GORASP1: variants seen among roughly 807,000 people sequenced by gnomAD.
The protein encoded by GORASP1 is golgi reassembly stacking protein 1, also known as Golgi reassembly-stacking protein 1.
GORASP1 carries 31 observed loss-of-function variants against 37.7 expected under a neutral mutation model. The observed-to-expected ratio is 0.82, with a 90% CI of 0.62 to 1.11. The LOEUF is 1.11. Ranked by LOEUF, GORASP1 falls within the 50% of genes least tolerant of loss-of-function variation. The pLI is 0.00. For synonymous variants in GORASP1, 204 were observed against 224.8 expected (o/e 0.91, Z 0.83); for missense variants, 476 against 560.7 (o/e 0.85, Z 1.53).
intron 1 of GORASP1, among the ~76,000 whole-genome samples, chr3:39,104,891 G>A (rs545939047): frequency 5.4e-4 from 82 of 152,324 alleles, no homozygotes; most frequent in African/African-American, 1.9e-3. Flanking sequence ...AACCCTTCAG[G>A]TGAGGGGATC....
chr3:39,103,310 C>A lies in GORASP1; in HGVS notation c.144+163G>T, dbSNP rs2035836349. 2.3e-5 allele frequency: 14 copies of A among 608,138 alleles called. No homozygotes were observed. The South Asian group carries it at 2.8e-4, about 12-fold the overall frequency. The allele number at this position is 608,138 out of a possible 1,614,324, so 37.7% of individuals were successfully genotyped here. Reference sequence around the variant, plus strand: ...CTCAGAAGCTGAGCACTGGGCAGGGCCCCAGTCAGGCTCTGAGTACAGCCC... The same window carrying A: ...CTCAGAAGCTGAGCACTGGGCAGGGACCCAGTCAGGCTCTGAGTACAGCCC... On this transcript the variant is annotated intron_variant, in intron 2 of 8. Transcript: ENST00000319283. The surrounding 1 kb of genome is among the most constrained non-coding windows in gnomAD (Gnocchi z 5.2).
At chr3:39,107,375 G>A in intron 1 of GORASP1, 104 bp downstream of exon 1, 2 of 742,412 alleles carry the variant, frequency 2.7e-6, no homozygotes, top group Non-Finnish European at 3.7e-6. Context: ...GGAAACACTC[G>A]GGCCGGGACC....
At chr3:39,104,690 T>C (rs1467396919) in intron 1 of GORASP1, among the ~76,000 whole-genome samples, 1 of 152,188 alleles carries the variant, frequency 6.6e-6, no homozygotes, top group Non-Finnish European at 1.5e-5. Flanking sequence ...CAAGGCCAGT[T>C]TGCCCCTGGA....
chr3:39,101,590 G>A (rs1383733511), intron 3 of GORASP1: 1 of 456,660 alleles, frequency 2.2e-6, no homozygotes, highest in Admixed American at 2.4e-5. Context: ...GGAGGTGAGG[G>A]CAATGAGCAA....
At chr3:39,101,784 T>C (rs2035736238) in intron 3 of GORASP1, among the ~76,000 whole-genome samples, 1 of 152,078 alleles carries the variant, frequency 6.6e-6, no homozygotes, top group Admixed American at 6.5e-5. Flanking sequence ...GTGAGAAAAA[T>C]AAGTGGCTAG....
Position 39,098,588 on chromosome 3 carries a change from G to T in GORASP1, c.1070-99C>A. ...CGACCGCTCCCCATTGCCACTCCAGGTTTGATGGGGGATTGGAGATGGAGT... is the reference window on the plus strand; with the variant it reads ...CGACCGCTCCCCATTGCCACTCCAGTTTTGATGGGGGATTGGAGATGGAGT... On this transcript the variant is annotated intron_variant, in intron 8 of 8. Transcript: ENST00000319283. This position sits in a 1 kb window ranked among gnomAD's most constrained non-coding sequence, Gnocchi z 4.7. 1 of 1,508,612 alleles carries T rather than the reference G, an allele frequency of 6.6e-7. No homozygotes were observed. Among genetic ancestry groups the T allele is most frequent in the Non-Finnish European group, 9.0e-7 (1 of 1,116,346 alleles). The allele number at this position is 1,508,612 out of a possible 1,614,324, so 93.5% of individuals were successfully genotyped here.
At chr3:39,106,840 C>T (rs2036165652) in intron 1 of GORASP1, 1 of 283,584 alleles carries the variant, frequency 3.5e-6, no homozygotes. Context: ...CTCGCCCAGA[C>T]CTCCATGTAG....
Position 39,102,555 on chromosome 3 carries a change from G to A in GORASP1, c.348+123C>T. ...CACATCCTGCCCTCAGTCTTCCCTG[G>A]CCACTGCTCCAAGGCTCCCACTCCA... On this transcript the variant is annotated intron_variant, in intron 3 of 8. Transcript: ENST00000319283. The surrounding 1 kb of genome is among the most constrained non-coding windows in gnomAD (Gnocchi z 5.0). The A allele has an allele frequency of 1.1e-6, 1 of 929,014 alleles. No homozygotes were observed. Among genetic ancestry groups the A allele is most frequent in the Non-Finnish European group, 1.7e-6 (1 of 597,584 alleles). The allele number at this position is 929,014 out of a possible 1,614,324, so 57.5% of individuals were successfully genotyped here.
rs564764221 is a variant in GORASP1, at chr3:39,103,371, G to T, written c.144+102C>A. ...GGAGACAGGGCTGGGACTCCCTTTA[G>T]AAAAAAAGGGAGGGAAGGGTAGACT... On this transcript the variant is annotated intron_variant, in intron 2 of 8. Coordinates refer to ENST00000319283, the MANE Select transcript of GORASP1 (RefSeq NM_031899.4). This position sits in a 1 kb window ranked among gnomAD's most constrained non-coding sequence, Gnocchi z 5.2. The T allele has an allele frequency of 1.6e-5, 14 of 862,974 alleles. No individual in the cohort carries two copies. 53.5% of individuals were successfully genotyped at this position (862,974 alleles called of 1,614,324 possible). A position where few individuals can be genotyped will look rare whatever the true frequency, so the allele number is the denominator to read the frequency against.
Position 39,098,238 on chromosome 3 carries a change from A to G in GORASP1, c.1321T>C (p.Ter441GlnextTer5), listed in dbSNP as rs1423420594. Reference protein sequence around the residue: ...DSQAQISTTE* With the variant: ...DSQAQISTTEQ ...GGGCCTTGTCACAGCCCAGGGTGTTATTCTGTGGTAGAGATCTGGGCCTGG... is the reference window on the plus strand; with the variant it reads ...GGGCCTTGTCACAGCCCAGGGTGTTGTTCTGTGGTAGAGATCTGGGCCTGG... The change falls in exon 9 of 9, where the codon TAA becomes CAA. Residue 441 changes from the stop codon to glutamine (Q), a stop_lost. Transcript: ENST00000319283. The surrounding 1 kb of genome is among the most constrained non-coding windows in gnomAD (Gnocchi z 4.7). 1 of 1,613,684 alleles carries G rather than the reference A, an allele frequency of 6.2e-7. No homozygotes were observed. The highest frequency in any genetic ancestry group is 8.5e-7 in the Non-Finnish European group (1 of 1,179,914).
Position 39,102,878 on chromosome 3 carries a change from T to C in GORASP1, c.148A>G (p.Lys50Glu), listed in dbSNP as rs774192888. The C allele has an allele frequency of 7.4e-6, 12 of 1,614,006 alleles. No homozygotes were observed. Among genetic ancestry groups the C allele is most frequent in the Non-Finnish European group, 1.0e-5 (12 of 1,179,990 alleles). Reference protein sequence around the residue: ...IITIGHSRLNKENDTLKALLK... With the variant: ...IITIGHSRLNEENDTLKALLK... ...AGTGCCTTCAGGGTGTCATTCTCCT[T>C]GTTCTGTGGGGGCAATGGGGCTGAC... The change falls in exon 3 of 9, where the codon AAG (lysine) becomes GAG (glutamate). Residue 50 changes from lysine (K) to glutamate (E), a missense_variant. Lys to Glu is a moderately conservative substitution (Grantham distance 56). Coordinates refer to ENST00000319283, the MANE Select transcript of GORASP1 (RefSeq NM_031899.4). The surrounding 1 kb of genome is among the most constrained non-coding windows in gnomAD (Gnocchi z 5.0).
At position 39,102,083 on chromosome 3, in the gene GORASP1, A is replaced by G. The variant is rs1034404596; in HGVS notation, c.348+595T>C. ...CTTCATTGTTGTGCAAACATCATAG[A>G]ACTTAACCTACACATAGCCTACTAG... On this transcript the variant is annotated intron_variant, in intron 3 of 8. Coordinates refer to ENST00000319283, the MANE Select transcript of GORASP1 (RefSeq NM_031899.4). The surrounding 1 kb of genome is among the most constrained non-coding windows in gnomAD (Gnocchi z 5.0). 6.6e-6 allele frequency among the ~76,000 whole-genome samples: 1 copy of G among 151,844 alleles called. No homozygotes were observed. Among genetic ancestry groups the G allele is most frequent in the Non-Finnish European group, 1.5e-5 (1 of 67,980 alleles).
chr3:39,102,728 C>T lies in GORASP1; in HGVS notation c.298G>A (p.Val100Met), dbSNP rs2035801597. ...WGGQGLLGAS[V>M]RFCSFRRASE... Reference sequence around the variant, plus strand: ...GCCCTGCGGAAGCTGCAGAAGCGCACACTGGCACCCAGTAGGCCCTGGCCG... The same window carrying T: ...GCCCTGCGGAAGCTGCAGAAGCGCATACTGGCACCCAGTAGGCCCTGGCCG... The change falls in exon 3 of 9, where the codon GTG (valine) becomes ATG (methionine). Residue 100 changes from valine to methionine, a missense_variant. Transcript: ENST00000319283. This position sits in a 1 kb window ranked among gnomAD's most constrained non-coding sequence, Gnocchi z 5.0. The T allele has an allele frequency of 6.2e-7, 1 of 1,614,100 alleles. No homozygotes were observed. Among genetic ancestry groups the T allele is most frequent in the African/African-American group, 1.3e-5 (1 of 74,936 alleles).
rs1442146154 is a variant in GORASP1, at chr3:39,102,517, AC to A, written c.348+160del. ...AGTAATGAGCTGCCCTCTCTGGGAC[AC>A]TGGAATGAGACCACATCCTGCCCTC... On this transcript the variant is annotated intron_variant, in intron 3 of 8. Transcript: ENST00000319283. This position sits in a 1 kb window ranked among gnomAD's most constrained non-coding sequence, Gnocchi z 5.0. The A allele has an allele frequency of 1.4e-6, 1 of 693,336 alleles. No individual in the cohort carries two copies. The highest frequency in any genetic ancestry group is 2.5e-6 in the Non-Finnish European group (1 of 395,638). The allele number at this position is 693,336 out of a possible 1,614,324, so 42.9% of individuals were successfully genotyped here.
chr3:39,100,673 A>G lies in GORASP1; in HGVS notation c.566+74T>C. 6.4e-7 allele frequency: 1 copy of G among 1,574,040 alleles called. No homozygotes were observed. Among genetic ancestry groups the G allele is most frequent in the Non-Finnish European group, 8.6e-7 (1 of 1,158,232 alleles). On this transcript the variant is annotated intron_variant, in intron 5 of 8. Transcript: ENST00000319283. This position sits in a 1 kb window ranked among gnomAD's most constrained non-coding sequence, Gnocchi z 4.6. ...CCCAACCCTCCTCCATCTCCACCAT[A>G]GAACTCTGAGGTCCATGCCCAATGG...
At position 39,098,805 on chromosome 3, in the gene GORASP1, G is replaced by C; in HGVS notation, c.1005C>G (p.Thr335=). 1.2e-6 allele frequency: 2 copies of C among 1,614,180 alleles called. No homozygotes were observed. Among genetic ancestry groups the C allele is most frequent in the Non-Finnish European group, 1.7e-6 (2 of 1,180,002 alleles). The change falls in exon 8 of 9, where the codon ACC becomes ACG. Residue 335 remains threonine (T), a synonymous_variant. Coordinates refer to ENST00000319283, the MANE Select transcript of GORASP1 (RefSeq NM_031899.4). This position sits in a 1 kb window ranked among gnomAD's most constrained non-coding sequence, Gnocchi z 4.7. ...CTGGCCCTGAGGTTGAGACAGCTGTGGTGGTCAGTTCTGTGGAAGAGGGCA... is the reference window on the plus strand; with the variant it reads ...CTGGCCCTGAGGTTGAGACAGCTGTCGTGGTCAGTTCTGTGGAAGAGGGCA... ...PSLPSSTELT[T]TAVSTSGPED... is the part of the protein sequence containing the mutation.
At chr3:39,106,373 C>T (rs2036092493) in intron 1 of GORASP1, among the ~76,000 whole-genome samples, 4 of 152,102 alleles carry the variant, frequency 2.6e-5, no homozygotes, top group Admixed American at 2.6e-4. Context: ...AGTTCCTTTG[C>T]CTTTAATCAA....
chr3:39,104,817 G>T (rs768015795), intron 1 of GORASP1, among the ~76,000 whole-genome samples: 4 of 152,222 alleles, frequency 2.6e-5, no homozygotes, highest in Non-Finnish European at 5.9e-5. Flanking sequence ...GGCCTAGTTG[G>T]CCTGGCCCAG....
In GORASP1 at chr3:39,101,087, A is replaced by G. The variant is rs1407263431; in HGVS notation, c.364T>C (p.Ser122Pro). Residue 122 changes from serine (S) to proline (P), a missense_variant, in exon 4 of 9, where the codon TCA becomes CCA. By Grantham distance (74) the Ser-to-Pro change is moderately conservative. Transcript: ENST00000319283. ...VWHVLDVEPS[S>P]PAALAGLRPY... ...CGCAGGCCGGCAAGGGCAGCAGGTG[A>G]AGATGGTTCCACATCCTGGGGAAAG... The G allele has an allele frequency of 6.2e-7, 1 of 1,614,108 alleles. No individual in the cohort carries two copies. Among genetic ancestry groups the G allele is most frequent in the Non-Finnish European group, 8.5e-7 (1 of 1,179,974 alleles).
Sources: allele counts gnomAD v4.1 joint callset (sites outside exome capture counted in the v4.1 genomes callset), GRCh38; gene constraint gnomAD v4.1.1; non-coding constraint Gnocchi (gnomAD v3.1); transcripts MANE v1.5; gene names NCBI Gene and HGNC (gene_info 2026-07-23, HGNC 2026-07-21).